Variants in HS6ST3 observed in about 807,000 individuals in gnomAD.
The protein encoded by HS6ST3 is heparan sulfate 6-O-sulfotransferase 3, also known as heparan-sulfate 6-O-sulfotransferase 3.
In HS6ST3, 12 loss-of-function variants were observed where a neutral mutation model predicts 36.7. That is an observed-to-expected ratio of 0.33 (90% CI 0.21 to 0.53). HS6ST3 has a LOEUF of 0.53. Among genes scored for constraint, HS6ST3 ranks in the 20% least tolerant of loss-of-function variants. The pLI is 0.95. For synonymous variants in HS6ST3, 240 were observed against 257.5 expected (o/e 0.93, Z 0.65); for missense variants, 584 against 640.9 (o/e 0.91, Z 0.96).
intron 1 of HS6ST3, among the ~76,000 whole-genome samples, chr13:96,261,607 C>G (rs185548288): frequency 6.6e-6 from 1 of 152,280 alleles, no homozygotes; most frequent in Non-Finnish European, 1.5e-5. Context: ...TTTTCCTCAG[C>G]TCTGGCAGCT....
At chr13:96,628,625 A>G (rs2056521199) in intron 1 of HS6ST3, among the ~76,000 whole-genome samples, 1 of 152,124 alleles carries the variant, frequency 6.6e-6, no homozygotes, top group East Asian at 1.9e-4. Flanking sequence ...CCGTGTACCT[A>G]TAATTTTTCA....
At chr13:96,549,745 A>T (rs2138947620) in intron 1 of HS6ST3, among the ~76,000 whole-genome samples, 1 of 152,184 alleles carries the variant, frequency 6.6e-6, no homozygotes, top group South Asian at 2.1e-4. Context: ...CTGTACCAAG[A>T]TGTTCATGGT....
rs1566422902 is a variant in HS6ST3 at position 96,658,268 on chromosome 13, C to CTTCTTTTTTTTT, written c.708-174220_708-174219insCTTTTTTTTTTT. 4.2e-4 allele frequency among the ~76,000 whole-genome samples: 32 copies of CTTCTTTTTTTTT among 76,156 alleles called. 1 individual carries two copies. The highest frequency in any genetic ancestry group is 1.1e-3 in the South Asian group (2 of 1,804). The allele number at this position is 76,156 out of a possible 152,430, so 50.0% of individuals were successfully genotyped here. A position where few individuals can be genotyped will look rare whatever the true frequency, so the allele number is the denominator to read the frequency against. On this transcript the variant is annotated intron_variant, in intron 1 of 1. Transcript: ENST00000376705. ...TTCTTCTTCTTCTTCTCTTCTTCTT[C>CTTCTTTTTTTTT]TTTTTTTTTTTTTTTTTTTTTTTTT... is the stretch of plus-strand genomic sequence containing the variant.
chr13:96,818,247 G>A (rs1594867660), intron 1 of HS6ST3, among the ~76,000 whole-genome samples: 1 of 152,174 alleles, frequency 6.6e-6, no homozygotes, highest in Non-Finnish European at 1.5e-5. Flanking sequence ...AATGTCTGTC[G>A]TTGCTTTATT....
At chr13:96,335,302 A>G (rs1281430569) in intron 1 of HS6ST3, among the ~76,000 whole-genome samples, 1 of 152,102 alleles carries the variant, frequency 6.6e-6, no homozygotes, top group African/African-American at 2.4e-5. Flanking sequence ...AGTCACCCAG[A>G]CCTGCTTTTG....
intron 1 of HS6ST3, among the ~76,000 whole-genome samples, chr13:96,463,900 C>T (rs1281348632): frequency 6.6e-6 from 1 of 151,898 alleles, no homozygotes; most frequent in African/African-American, 2.4e-5. Context: ...AGCTATCAAA[C>T]TAAAACGTGT....
intron 1 of HS6ST3, among the ~76,000 whole-genome samples, chr13:96,740,640 A>G (rs895122189): frequency 1.6e-4 from 24 of 152,100 alleles, no homozygotes; most frequent in Admixed American, 1.3e-3. Context: ...TGGTAATTTA[A>G]TATGTCAGTA....
chr13:96,205,935 T>G (rs2054367814), intron 1 of HS6ST3, among the ~76,000 whole-genome samples: 1 of 152,148 alleles, frequency 6.6e-6, no homozygotes. Flanking sequence ...ACCAGTCCTA[T>G]TCAACATAAT....
chr13:96,799,968 A>G (rs1360536956), intron 1 of HS6ST3, among the ~76,000 whole-genome samples: 33 of 69,526 alleles, frequency 4.7e-4, no homozygotes, highest in East Asian at 1.8e-3. Context: ...ATATATGTGT[A>G]TATATATATA....
intron 1 of HS6ST3, among the ~76,000 whole-genome samples, chr13:96,653,020 T>A (rs910569002): frequency 2.0e-5 from 3 of 152,020 alleles, no homozygotes; most frequent in African/African-American, 4.8e-5. Context: ...ATGATCATTT[T>A]AAAAAATGTT....
chr13:96,461,783 A>G (rs7984995), intron 1 of HS6ST3, among the ~76,000 whole-genome samples: 118,325 of 152,058 alleles, frequency 0.78, 49,021 homozygotes, highest in Non-Finnish European at 0.94. Context: ...CTCCCTCTGA[A>G]AAGGAGGAAC....
At chr13:96,278,976 C>T (rs1460158806) in intron 1 of HS6ST3, among the ~76,000 whole-genome samples, 2 of 152,004 alleles carry the variant, frequency 1.3e-5, no homozygotes, top group Admixed American at 6.6e-5. Context: ...GCTGAATTTC[C>T]AACACTGTGT....
At chr13:96,650,252 T>A (rs1055460990) in intron 1 of HS6ST3, among the ~76,000 whole-genome samples, 1 of 152,134 alleles carries the variant, frequency 6.6e-6, no homozygotes. Flanking sequence ...AACTAGCTGT[T>A]AAGCTGCAGA....
intron 1 of HS6ST3, among the ~76,000 whole-genome samples, chr13:96,305,987 A>G (rs1201557586): frequency 6.6e-6 from 1 of 151,250 alleles, no homozygotes; most frequent in Admixed American, 6.6e-5. Flanking sequence ...GCTGGAGTGC[A>G]GTGGCATGAT....
chr13:96,299,369 T>G (rs2054870547), intron 1 of HS6ST3, among the ~76,000 whole-genome samples: 1 of 152,174 alleles, frequency 6.6e-6, no homozygotes, highest in Non-Finnish European at 1.5e-5. Context: ...ATATGGGATT[T>G]TGCAGACAAG....
chr13:96,705,861 G>A (rs1875409599), intron 1 of HS6ST3, among the ~76,000 whole-genome samples: 1 of 152,120 alleles, frequency 6.6e-6, no homozygotes, highest in South Asian at 2.1e-4. Context: ...TAGTCTCATC[G>A]AGTCTCCAGC....
Position 96,468,477 on chromosome 13 carries a change from TACACACACACACAC to T in HS6ST3, c.708-363988_708-363975del, listed in dbSNP as rs3051066. Among the ~76,000 whole-genome samples the T allele has an allele frequency of 1.7e-4, 21 of 126,386 alleles. 1 individual carries two copies. The highest frequency in any genetic ancestry group is 4.1e-3 in the Middle Eastern group (1 of 244). The allele number at this position is 126,386 out of a possible 152,430, so 82.9% of individuals were successfully genotyped here. On this transcript the variant is annotated intron_variant, in intron 1 of 1. Coordinates refer to ENST00000376705, the MANE Select transcript of HS6ST3 (RefSeq NM_153456.4). ...TAACATTTAACAGGACATACACACATACACACACACACACACACACACACACACACACACACACT... is the reference window on the plus strand; with the variant it reads ...TAACATTTAACAGGACATACACACATACACACACACACACACACACACACT...
chr13:96,145,459 G>T (rs2054053051), intron 1 of HS6ST3, among the ~76,000 whole-genome samples: 1 of 152,138 alleles, frequency 6.6e-6, no homozygotes, highest in Non-Finnish European at 1.5e-5. Context: ...CTTCTTTTGA[G>T]AAGTGTCTGT....
chr13:96,187,576 G>C (rs931938380), intron 1 of HS6ST3, among the ~76,000 whole-genome samples: 6 of 152,154 alleles, frequency 3.9e-5, no homozygotes, highest in Admixed American at 3.3e-4. Context: ...TTCATATTAG[G>C]TTATAGAATA....
Sources: gnomAD v4.1 joint callset for allele counts (sites outside exome capture counted in the v4.1 genomes callset) on GRCh38, gnomAD v4.1.1 for gene constraint, MANE v1.5 for transcripts, NCBI Gene and HGNC (gene_info 2026-07-23, HGNC 2026-07-21) for gene names.